Variants in DHX37 observed in about 807,000 individuals in gnomAD.
DHX37 encodes probable ATP-dependent RNA helicase DHX37.
In DHX37, 52 loss-of-function variants were observed where a neutral mutation model predicts 134.3. The observed-to-expected ratio is 0.39, with a 90% CI of 0.31 to 0.49. DHX37 has a LOEUF of 0.49. Among genes scored for constraint, DHX37 ranks in the 20% least tolerant of loss-of-function variants. The probability of loss-of-function intolerance (pLI) is 0.93; values close to 1 mark genes in which losing one functional copy is unlikely to be tolerated. For synonymous variants in DHX37, 634 were observed against 670.7 expected, an observed-to-expected ratio of 0.95 and a Z score of 0.85; for missense variants, 1,344 against 1,580.8, an observed-to-expected ratio of 0.85 and a Z score of 2.54.
At chr12:124,957,806 G>GCA (rs112708455) in intron 16 of DHX37, among the ~76,000 whole-genome samples, 1 of 152,010 alleles carries the variant, frequency 6.6e-6, no homozygotes, top group Non-Finnish European at 1.5e-5. Flanking sequence ...ATAATAACGT[G>GCA]AATAAATTTA....
At chr12:124,965,034 C>A in intron 13 of DHX37, 28 bp from the exon 14 acceptor site, 1 of 1,579,244 alleles carries the variant, frequency 6.3e-7, no homozygotes, top group African/African-American at 1.3e-5. Flanking sequence ...GTCACTGGCA[C>A]CCAGGCCGGG....
intron 13 of DHX37, 62 bp from the exon 14 acceptor site, chr12:124,965,068 G>A: frequency 6.5e-7 from 1 of 1,530,470 alleles, no homozygotes; most frequent in East Asian, 2.4e-5. Flanking sequence ...GGCAGGAGCT[G>A]GCCACAGCGG....
chr12:124,975,536 C>T, intron 5 of DHX37, 25 bp from the exon 6 acceptor site: 1 of 1,609,144 alleles, frequency 6.2e-7, no homozygotes, highest in Non-Finnish European at 8.5e-7. Context: ...ACATGGCCAT[C>T]AACAGTGCGC....
chr12:124,953,795 C>T, intron 20 of DHX37, 85 bp downstream of exon 20: 4 of 1,545,314 alleles, frequency 2.6e-6, no homozygotes, highest in Non-Finnish European at 3.5e-6. Flanking sequence ...CAAACGTGGA[C>T]TCTATGGATC....
At chr12:124,950,623 G>C (rs565550244) in intron 22 of DHX37, 67 bp downstream of exon 22, 1 of 1,572,344 alleles carries the variant, frequency 6.4e-7, no homozygotes, top group East Asian at 2.2e-5. Context: ...CTCTGCCCCA[G>C]GGTCCCAGCC....
chr12:124,965,922 G>A, intron 12 of DHX37, 110 bp from the exon 13 acceptor site: 1 of 1,406,950 alleles, frequency 7.1e-7, no homozygotes, highest in Non-Finnish European at 9.6e-7. Flanking sequence ...CCACACCCAT[G>A]GGCCATGCAA....
At chr12:124,967,102 T>G in intron 11 of DHX37, 21 bp downstream of exon 11, 1 of 1,612,808 alleles carries the variant, frequency 6.2e-7, no homozygotes. Flanking sequence ...GGCAGAGTGC[T>G]GGTCGGGGCG....
chr12:124,953,403 G>A lies in DHX37; in HGVS notation c.2695+477C>T, dbSNP rs78743480. 40 of 162,996 alleles carry A rather than the reference G, an allele frequency of 2.5e-4. 1 individual carries two copies. In the East Asian group the frequency reaches 5.6e-3, roughly 23 times the overall value. The allele number at this position is 162,996 out of a possible 1,614,324, so 10.1% of individuals were successfully genotyped here. On this transcript the variant is annotated intron_variant, in intron 20 of 26. Coordinates refer to ENST00000308736, the MANE Select transcript of DHX37 (RefSeq NM_032656.4). ...TGCCCAGAAGAGACCCAGTGTCCACGCTGCCCTCTCTACGCATCGTCCTCT... is the reference window on the plus strand; with the variant it reads ...TGCCCAGAAGAGACCCAGTGTCCACACTGCCCTCTCTACGCATCGTCCTCT...
intron 16 of DHX37, 44 bp downstream of exon 16, chr12:124,960,268 G>A (rs745364210): frequency 1.9e-6 from 3 of 1,588,244 alleles, no homozygotes; most frequent in Non-Finnish European, 2.6e-6. Flanking sequence ...AAGGGAGGTG[G>A]TCCACTGGGG....
intron 16 of DHX37, among the ~76,000 whole-genome samples, chr12:124,959,222 T>C (rs1594480822): frequency 6.6e-6 from 1 of 151,984 alleles, no homozygotes; most frequent in Admixed American, 6.6e-5. Context: ...TACAGGCGTG[T>C]GCCACCACAC....
At chr12:124,961,142 G>A (rs768846671) in intron 15 of DHX37, among the ~76,000 whole-genome samples, 2 of 151,946 alleles carry the variant, frequency 1.3e-5, no homozygotes, top group Admixed American at 6.6e-5. Flanking sequence ...ACATACACGC[G>A]TGCACGCACG....
Position 124,977,451 on chromosome 12 carries a change from C to T in DHX37, c.778G>A (p.Val260Ile), listed in dbSNP as rs573335085. 9.3e-6 allele frequency: 15 copies of T among 1,611,440 alleles called. No homozygotes were observed. In the Admixed American group the frequency reaches 1.0e-4, roughly 11 times the overall value. ...TGCTCGGCCACAGCCTCCATGATTA[C>T]TTGTTCTTCGGAGAGAATTGGGAGC... ...LKLPILSEEQVIMEAVAEHPI... is the reference protein window; with the variant it reads ...LKLPILSEEQIIMEAVAEHPI... The change falls in exon 5 of 27, where the codon GTA becomes ATA. Residue 260 changes from valine to isoleucine, a missense_variant. This residue lies in a region of DHX37 where 77 missense variants were observed against 121.6 expected (regional missense o/e 0.63). Transcript: ENST00000308736.
intron 6 of DHX37, among the ~76,000 whole-genome samples, chr12:124,973,625 G>GC (rs1174912610): frequency 1.6e-4 from 17 of 108,380 alleles, no homozygotes; most frequent in East Asian, 2.9e-4. Context: ...ATGTATATGC[G>GC]CCCCCCCCAA....
rs969262694 is a variant in DHX37, at chr12:124,959,996, G to A, written c.2157+316C>T. 3.9e-5 allele frequency among the ~76,000 whole-genome samples: 6 copies of A among 152,346 alleles called. 2 individuals are homozygous for A. Among genetic ancestry groups the A allele is most frequent in the Middle Eastern group, 3.4e-3 (1 of 294 alleles). ...ATCCCCCCCTCCACTGGAGGACTGG[G>A]TCGGAGAAGGCTGCAGCCAGGAAGA... is the stretch of plus-strand genomic sequence containing the variant. On this transcript the variant is annotated intron_variant, in intron 16 of 26. Transcript: ENST00000308736.
chr12:124,961,269 C>T lies in DHX37; in HGVS notation c.2046-846G>A, dbSNP rs563017638. On this transcript the variant is annotated intron_variant, in intron 15 of 26. Transcript: ENST00000308736. Reference sequence around the variant, plus strand: ...GCGTGCACGCACGCACACACATACACGCGTGCACGCACACACACTTACACG... The same window carrying T: ...GCGTGCACGCACGCACACACATACATGCGTGCACGCACACACACTTACACG... Among the ~76,000 whole-genome samples, 642 of 103,970 alleles carry T rather than the reference C, an allele frequency of 6.2e-3. 4 individuals carry two copies. Among genetic ancestry groups the T allele is most frequent in the African/African-American group, 0.026 (596 of 22,512 alleles). The allele number at this position is 103,970 out of a possible 152,430, so 68.2% of individuals were successfully genotyped here.
chr12:124,988,924 T>C lies in DHX37; in HGVS notation c.99A>G (p.Glu33=). The C allele has an allele frequency of 7.5e-7, 1 of 1,332,116 alleles. No homozygotes were observed. 82.5% of individuals were successfully genotyped at this position (1,332,116 alleles called of 1,614,324 possible). A position where few individuals can be genotyped will look rare whatever the true frequency, so the allele number is the denominator to read the frequency against. The change falls in exon 1 of 27, where the codon GAA becomes GAG. Residue 33 remains glutamate (E), a synonymous_variant. Coordinates refer to ENST00000308736, the MANE Select transcript of DHX37 (RefSeq NM_032656.4). ...GGTCCGGGGATGTCTTACCCTCCAG[T>C]TCCAGCTGCACGGGGGGCGGCTCGG... The part of the protein sequence containing the change: ...GPPEPPPVQL[E]LEDKDTLKGV...
At chr12:124,973,638 C>T (rs1248667470) in intron 6 of DHX37, among the ~76,000 whole-genome samples, 2 of 102,872 alleles carry the variant, frequency 1.9e-5, no homozygotes, top group Admixed American at 1.2e-4. Context: ...CCCCCCAACG[C>T]TTTTTTTTTT....
chr12:124,980,355 G>C lies in DHX37; in HGVS notation c.738+135C>G. ...CTGCCACAGCCTCAAGGGAGGCGCAGTCACTCTCCCCTTTCCCAGATGGGG... is the reference window on the plus strand; with the variant it reads ...CTGCCACAGCCTCAAGGGAGGCGCACTCACTCTCCCCTTTCCCAGATGGGG... On this transcript the variant is annotated intron_variant, in intron 4 of 26. Transcript: ENST00000308736. This position sits in a 1 kb window ranked among gnomAD's most constrained non-coding sequence, Gnocchi z 5.3. 1 of 1,032,434 alleles carries C rather than the reference G, an allele frequency of 9.7e-7. No homozygotes were observed. Among genetic ancestry groups the C allele is most frequent in the Non-Finnish European group, 1.4e-6 (1 of 735,040 alleles). 64.0% of individuals were successfully genotyped at this position (1,032,434 alleles called of 1,614,324 possible).
At position 124,972,605 on chromosome 12, in the gene DHX37, T is replaced by C. The variant is rs12320413; in HGVS notation, c.981-6A>G. 376,486 of 1,613,160 alleles carry C rather than the reference T, an allele frequency of 0.23. 45,720 individuals carry two copies. The highest frequency in any genetic ancestry group is 0.29 in the Middle Eastern group (1,783 of 6,058). ...GGATCTGGTAGGAGACGACCCTGTA[T>C]GGGCAGAGTTCGGGTTAGGGCAGAG... On this transcript the variant is annotated splice_region_variant and splice_polypyrimidine_tract_variant and intron_variant, in intron 6 of 26. Transcript: ENST00000308736.
Sources: allele counts gnomAD v4.1 joint callset (sites outside exome capture counted in the v4.1 genomes callset), GRCh38; gene constraint gnomAD v4.1.1; regional missense constraint gnomAD v4.1.1; non-coding constraint Gnocchi (gnomAD v3.1); transcripts MANE v1.5; gene names NCBI Gene and HGNC (gene_info 2026-07-23, HGNC 2026-07-21).